ROBO2: variants seen among roughly 807,000 people sequenced by gnomAD.
The protein encoded by ROBO2 is roundabout guidance receptor 2, also known as roundabout homolog 2.
A neutral mutation model predicts 160.8 loss-of-function variants in ROBO2; 53 were observed. That is an observed-to-expected ratio of 0.33 (90% confidence interval 0.26 to 0.41). The LOEUF (loss-of-function observed/expected upper bound fraction) is 0.41. Ranked by LOEUF, ROBO2 falls within the 10% of genes least tolerant of loss-of-function variation. The probability of loss-of-function intolerance (pLI) is 1.00; values close to 1 mark genes in which losing one functional copy is unlikely to be tolerated. For synonymous variants in ROBO2, 664 were observed against 611.7 expected (o/e 1.09, Z -1.26); for missense variants, 1,577 against 1,722.4 (o/e 0.92, Z 1.49).
chr3:77,546,393 A>G lies in ROBO2; in HGVS notation c.990A>G (p.Thr330=), dbSNP rs146036715. 3,319 of 1,613,360 alleles carry G rather than the reference A, an allele frequency of 2.1e-3. 56 individuals carry two copies. The highest frequency in any genetic ancestry group is 5.4e-3 in the East Asian group (243 of 44,830). ...ATCAGATTGTTGCTCAAGGTCGAAC[A>G]GTGACATTTCCCTGTGAAACTAAAG... The change falls in exon 7 of 26, where the codon ACA becomes ACG. Residue 330 remains threonine (T), a synonymous_variant. Transcript: ENST00000461745.
intron 2 of ROBO2, among the ~76,000 whole-genome samples, chr3:76,402,197 AT>A (rs2077868454): frequency 6.6e-6 from 1 of 151,464 alleles, no homozygotes; most frequent in East Asian, 1.9e-4. Context: ...ATTTATTTAA[AT>A]TTTAGCTTGG....
intron 2 of ROBO2, among the ~76,000 whole-genome samples, chr3:77,344,215 T>G (rs1440423537): frequency 6.6e-6 from 1 of 152,146 alleles, no homozygotes; most frequent in Non-Finnish European, 1.5e-5. Flanking sequence ...GAGTCAGCCA[T>G]GTGAAGATCC....
Position 77,472,482 on chromosome 3 carries a change from C to T in ROBO2, c.389-4932C>T, listed in dbSNP as rs547383049. 2.0e-5 allele frequency among the ~76,000 whole-genome samples: 3 copies of T among 152,194 alleles called. No individual in the cohort carries two copies. In the South Asian group the frequency reaches 6.2e-4, roughly 32 times the overall value. On this transcript the variant is annotated intron_variant, in intron 2 of 25. Transcript: ENST00000461745. ...AATTTTCCAAAATAATTTCCTAAGT[C>T]ATGGTGCATCCCAATGTAAAAAAAC...
intron 2 of ROBO2, among the ~76,000 whole-genome samples, chr3:76,035,426 G>T (rs1306049002): frequency 1.3e-5 from 2 of 151,776 alleles, no homozygotes; most frequent in Non-Finnish European, 2.9e-5. Context: ...CTGTTTGTTT[G>T]TTTGTTTTTT....
At chr3:77,281,433 A>G (rs2060232147) in intron 2 of ROBO2, among the ~76,000 whole-genome samples, 1 of 152,118 alleles carries the variant, frequency 6.6e-6, no homozygotes, top group Admixed American at 6.5e-5. Flanking sequence ...TTAGACAAGA[A>G]TTTTACTGTC....
At chr3:77,588,650 C>T (rs1357884921) in intron 16 of ROBO2, 101 bp from the exon 18 acceptor site, 1 of 1,100,578 alleles carries the variant, frequency 9.1e-7, no homozygotes, top group Non-Finnish European at 1.3e-6. Flanking sequence ...ACAAGCATTT[C>T]CTGCCTTCAA....
intron 2 of ROBO2, among the ~76,000 whole-genome samples, chr3:76,757,695 G>T (rs559324865): frequency 6.6e-6 from 1 of 151,786 alleles, no homozygotes; most frequent in East Asian, 2.0e-4. Flanking sequence ...AAACAGTGGG[G>T]GAGGGAAAAT....
chr3:76,306,937 C>T (rs1053780277), intron 2 of ROBO2, among the ~76,000 whole-genome samples: 4 of 152,096 alleles, frequency 2.6e-5, no homozygotes, highest in African/African-American at 9.7e-5. Context: ...CATCATAATG[C>T]AGCCCATTTT....
chr3:76,112,323 G>T (rs1229287858), intron 2 of ROBO2, among the ~76,000 whole-genome samples: 1 of 151,804 alleles, frequency 6.6e-6, no homozygotes, highest in Non-Finnish European at 1.5e-5. Flanking sequence ...ATTATCATGG[G>T]CATCTTGTCA....
intron 2 of ROBO2, among the ~76,000 whole-genome samples, chr3:76,547,747 TATCA>T (rs2083191719): frequency 6.6e-6 from 1 of 152,236 alleles, no homozygotes; most frequent in African/African-American, 2.4e-5. Context: ...AGGATCTTGT[TATCA>T]CCCTAATTTT....
chr3:76,875,839 A>T (rs1320604264), intron 2 of ROBO2, among the ~76,000 whole-genome samples: 1 of 152,040 alleles, frequency 6.6e-6, no homozygotes, highest in African/African-American at 2.4e-5. Flanking sequence ...TTTTTAGTAG[A>T]GATGGGGTTT....
intron 2 of ROBO2, among the ~76,000 whole-genome samples, chr3:77,453,914 T>C (rs538989401): frequency 1.3e-5 from 2 of 152,260 alleles, no homozygotes; most frequent in South Asian, 4.1e-4. Context: ...GAAAGATCAT[T>C]AGAAGATTGA....
chr3:77,599,567 C>A (rs1479938624), intron 19 of ROBO2, among the ~76,000 whole-genome samples: 3 of 151,486 alleles, frequency 2.0e-5, no homozygotes, highest in Non-Finnish European at 4.4e-5. Flanking sequence ...TTAATGGGTG[C>A]AGCACACCAA....
chr3:76,405,255 T>C (rs2078061732), intron 2 of ROBO2, among the ~76,000 whole-genome samples: 1 of 151,600 alleles, frequency 6.6e-6, no homozygotes, highest in South Asian at 2.1e-4. Flanking sequence ...AAAAGGCTCT[T>C]ATATGAGAAC....
chr3:77,480,965 C>G, intron 3 of ROBO2, 134 bp from the exon 4 acceptor site: 3 of 750,200 alleles, frequency 4.0e-6, no homozygotes, highest in Non-Finnish European at 6.6e-6. Context: ...CCTGCAAATG[C>G]CAAAATAATG....
At chr3:76,694,625 T>TA (rs1041643679) in intron 2 of ROBO2, among the ~76,000 whole-genome samples, 11 of 152,056 alleles carry the variant, frequency 7.2e-5, no homozygotes, top group South Asian at 6.2e-4. Context: ...TCCTATCTTG[T>TA]AAAAAAAGGG....
At chr3:77,258,357 A>G (rs1226902389) in intron 2 of ROBO2, among the ~76,000 whole-genome samples, 1 of 152,180 alleles carries the variant, frequency 6.6e-6, no homozygotes, top group Non-Finnish European at 1.5e-5. Flanking sequence ...ATAAAAGTTT[A>G]AGTCTGTTAC....
At chr3:76,989,814 A>C (rs1011291442) in intron 2 of ROBO2, among the ~76,000 whole-genome samples, 1 of 152,104 alleles carries the variant, frequency 6.6e-6, no homozygotes, top group Non-Finnish European at 1.5e-5. Flanking sequence ...GGTGAAATAA[A>C]ATTTTCTTAT....
At chr3:77,498,262 C>T (rs79890844) in intron 5 of ROBO2, among the ~76,000 whole-genome samples, 7 of 151,790 alleles carry the variant, frequency 4.6e-5, no homozygotes, top group East Asian at 1.9e-4. Flanking sequence ...CTTCCACAGC[C>T]GAGAAAGGAA....
Sources: gnomAD v4.1 joint callset for allele counts (sites outside exome capture counted in the v4.1 genomes callset) on GRCh38, gnomAD v4.1.1 for gene constraint, MANE v1.5 for transcripts, NCBI Gene and HGNC (gene_info 2026-07-23, HGNC 2026-07-21) for gene names.